Variants in TMOD2 observed in about 807,000 individuals in gnomAD.
TMOD2 encodes the protein tropomodulin-2.
A neutral mutation model predicts 39.9 loss-of-function variants in TMOD2; 22 were observed. The observed-to-expected ratio is 0.55, with a 90% CI of 0.39 to 0.79. The LOEUF is 0.79. TMOD2 is among the 30% of genes least tolerant of loss of function. The pLI is 0.00. For synonymous variants in TMOD2, 123 were observed against 146.1 expected (o/e 0.84, Z 1.14); for missense variants, 386 against 413.3 (o/e 0.93, Z 0.57).
At chr15:51,751,984 T>A (rs1269801195) in intron 1 of TMOD2, among the ~76,000 whole-genome samples, 2 of 151,462 alleles carry the variant, frequency 1.3e-5, no homozygotes, top group African/African-American at 4.8e-5. Flanking sequence ...TGCCGCAGCC[T>A]CTGCAGCCCG....
chr15:51,755,782 A>G (rs117510602), intron 1 of TMOD2, among the ~76,000 whole-genome samples: 2,514 of 152,166 alleles, frequency 0.017, 90 homozygotes, highest in East Asian at 0.073. Flanking sequence ...CAGCATCCAT[A>G]AGTCATTACA....
At chr15:51,788,928 G>T (rs994637452) in intron 7 of TMOD2, among the ~76,000 whole-genome samples, 1 of 152,148 alleles carries the variant, frequency 6.6e-6, no homozygotes. Flanking sequence ...GACCGTCAAC[G>T]CTATGAAGAA....
Position 51,771,957 on chromosome 15 carries a change from TG to T in TMOD2, c.284-1754del, listed in dbSNP as rs569553587. Among the ~76,000 whole-genome samples the T allele has an allele frequency of 5.3e-5, 8 of 152,350 alleles. No homozygotes were observed. The South Asian group carries it at 1.7e-3, about 32-fold the overall frequency. ...AGTGATAATGACCTTGTTGCCAGGA[TG>T]CCCCAGACTGACGACAAGCAGTGCC... On this transcript the variant is annotated intron_variant, in intron 3 of 9. Coordinates refer to ENST00000249700, the MANE Select transcript of TMOD2 (RefSeq NM_014548.4).
intron 4 of TMOD2, among the ~76,000 whole-genome samples, chr15:51,776,130 T>C (rs1161392824): frequency 6.6e-6 from 1 of 152,178 alleles, no homozygotes; most frequent in Non-Finnish European, 1.5e-5. Context: ...TTGCCCTTTC[T>C]TGTGCTGTGC....
chr15:51,792,660 T>C (rs1050614545), intron 7 of TMOD2, among the ~76,000 whole-genome samples: 5 of 152,124 alleles, frequency 3.3e-5, no homozygotes, highest in African/African-American at 7.2e-5. Flanking sequence ...GTAGCACATA[T>C]ACACCATGGA....
At chr15:51,753,959 G>A (rs7162176) in intron 1 of TMOD2, among the ~76,000 whole-genome samples, 59,971 of 151,852 alleles carry the variant, frequency 0.39, 11,982 homozygotes, top group Middle Eastern at 0.45. Flanking sequence ...GTAGAAGACG[G>A]GGGTGGTTCG....
At chr15:51,801,233 T>A (rs879829468) in intron 8 of TMOD2, among the ~76,000 whole-genome samples, 5,741 of 96,406 alleles carry the variant, frequency 0.06, 136 homozygotes, top group African/African-American at 0.11. Context: ...TCTCTCTCTC[T>A]CTCTCACACA....
intron 8 of TMOD2, among the ~76,000 whole-genome samples, chr15:51,804,162 A>C (rs1361297616): frequency 6.6e-6 from 1 of 152,236 alleles, no homozygotes; most frequent in African/African-American, 2.4e-5. Context: ...AGCTCACTGC[A>C]GTTTTGTTTG....
At chr15:51,802,619 C>A (rs2056097448) in intron 8 of TMOD2, among the ~76,000 whole-genome samples, 1 of 152,188 alleles carries the variant, frequency 6.6e-6, no homozygotes, top group South Asian at 2.1e-4. Context: ...GACTCAAATG[C>A]TCCAGGGGCA....
intron 2 of TMOD2, 125 bp downstream of exon 2, chr15:51,766,692 G>A: frequency 9.5e-7 from 1 of 1,048,022 alleles, no homozygotes. Flanking sequence ...TCCTCTGATT[G>A]GTTCTGGGTC....
intron 8 of TMOD2, among the ~76,000 whole-genome samples, chr15:51,799,070 G>C (rs1389599160): frequency 6.6e-6 from 1 of 152,180 alleles, no homozygotes; most frequent in African/African-American, 2.4e-5. Flanking sequence ...GAGTTGCTCT[G>C]CTGGCTTCAG....
chr15:51,798,493 A>G (rs1340465917), intron 8 of TMOD2, among the ~76,000 whole-genome samples, 153 bp downstream of exon 8: 1 of 152,210 alleles, frequency 6.6e-6, no homozygotes, highest in Non-Finnish European at 1.5e-5. Context: ...TTTCTGGCCC[A>G]TGGAGGATGT....
chr15:51,799,232 G>A (rs1442840797), intron 8 of TMOD2, among the ~76,000 whole-genome samples: 1 of 152,178 alleles, frequency 6.6e-6, no homozygotes, highest in Non-Finnish European at 1.5e-5. Flanking sequence ...GAGACTTGTG[G>A]TATGAGCATT....
At chr15:51,782,043 C>CTT (rs2055934449) in intron 6 of TMOD2, among the ~76,000 whole-genome samples, 1 of 152,322 alleles carries the variant, frequency 6.6e-6, no homozygotes, top group Admixed American at 6.5e-5. Context: ...CAGGACTCTT[C>CTT]TCCACTTCTA....
intron 5 of TMOD2, among the ~76,000 whole-genome samples, chr15:51,779,911 G>T (rs1024195433): frequency 3.3e-5 from 5 of 152,106 alleles, no homozygotes; most frequent in African/African-American, 1.2e-4. Flanking sequence ...CAAACTCCCT[G>T]CCTCAAGAAA....
At chr15:51,767,423 A>G (rs1252715532) in intron 2 of TMOD2, among the ~76,000 whole-genome samples, 1 of 152,244 alleles carries the variant, frequency 6.6e-6, no homozygotes, top group East Asian at 1.9e-4. Context: ...TAGACTGACT[A>G]TAATCATGAT....
At chr15:51,800,716 T>C (rs1047977713) in intron 8 of TMOD2, among the ~76,000 whole-genome samples, 2 of 152,154 alleles carry the variant, frequency 1.3e-5, no homozygotes, top group African/African-American at 2.4e-5. Flanking sequence ...TTTTTGTTTG[T>C]TTGTTTTGAG....
chr15:51,775,570 C>CTTTT (rs869308022), intron 4 of TMOD2, among the ~76,000 whole-genome samples: 837 of 81,228 alleles, frequency 0.01, 24 homozygotes, highest in Admixed American at 0.014. Flanking sequence ...ATTCTTTTTC[C>CTTTT]TTTTTTTTTT....
chr15:51,781,410 G>C (rs1244731423), intron 6 of TMOD2, among the ~76,000 whole-genome samples: 3 of 152,226 alleles, frequency 2.0e-5, no homozygotes, highest in Admixed American at 2.0e-4. Context: ...CTATTGCTGA[G>C]TAACAAATTA....
Sources: allele counts gnomAD v4.1 joint callset (sites outside exome capture counted in the v4.1 genomes callset), GRCh38; gene constraint gnomAD v4.1.1; transcripts MANE v1.5; gene names NCBI Gene and HGNC (gene_info 2026-07-23, HGNC 2026-07-21).